VDAC2: variants seen among roughly 807,000 people sequenced by gnomAD.
VDAC2 encodes the protein non-selective voltage-gated ion channel VDAC2.
A neutral mutation model predicts 36.6 loss-of-function variants in VDAC2; 6 were observed. The ratio of observed to expected loss-of-function variants is 0.16; its 90% CI spans 0.09 to 0.32. The LOEUF (loss-of-function observed/expected upper bound fraction) is 0.32. VDAC2 is among the 10% of genes least tolerant of loss of function. VDAC2 has a pLI of 1.00. For missense variants in VDAC2, 247 were observed against 346.0 expected, an observed-to-expected ratio of 0.71 and a Z score of 2.27; for synonymous variants, 109 against 123.8, an observed-to-expected ratio of 0.88 and a Z score of 0.79.
chr10:75,218,912 G>C lies in VDAC2; in HGVS notation c.151-151G>C, dbSNP rs1841701827. 1.5e-5 allele frequency: 11 copies of C among 754,734 alleles called. No homozygotes were observed. In the South Asian group the frequency reaches 2.4e-4, roughly 16 times the overall value. 46.8% of individuals were successfully genotyped at this position (754,734 alleles called of 1,614,324 possible). A position where few individuals can be genotyped will look rare whatever the true frequency, so the allele number is the denominator to read the frequency against. On this transcript the variant is annotated intron_variant, in intron 4 of 9. Coordinates refer to ENST00000332211, the MANE Select transcript of VDAC2 (RefSeq NM_001391963.1). Reference sequence around the variant, plus strand: ...TTATATATGCTTAGAGAGTAGCACAGTGCAGAAGGATACGAGTGTTTAGGA... The same window carrying C: ...TTATATATGCTTAGAGAGTAGCACACTGCAGAAGGATACGAGTGTTTAGGA...
intron 9 of VDAC2, 132 bp downstream of exon 9, chr10:75,229,833 C>T: frequency 3.5e-6 from 2 of 576,578 alleles, no homozygotes; most frequent in South Asian, 3.9e-5. Context: ...ACGTGTTTAC[C>T]TTTTACCACA....
At chr10:75,215,617 G>A (rs2132257532) in intron 4 of VDAC2, among the ~76,000 whole-genome samples, 1 of 152,138 alleles carries the variant, frequency 6.6e-6, no homozygotes, top group South Asian at 2.1e-4. Context: ...CTCCCAAAGT[G>A]CTGGGATTAC....
chr10:75,221,800 A>C lies in VDAC2; in HGVS notation c.585-452A>C, dbSNP rs189928798. Among the ~76,000 whole-genome samples the C allele has an allele frequency of 2.4e-3, 364 of 152,330 alleles. 2 individuals carry two copies. The highest frequency in any genetic ancestry group is 8.3e-3 in the African/African-American group (346 of 41,576). On this transcript the variant is annotated intron_variant, in intron 7 of 9. Coordinates refer to ENST00000332211, the MANE Select transcript of VDAC2 (RefSeq NM_001391963.1). The stretch of plus-strand genomic sequence containing the variant: ...GGTGTTTTTACCTAGCCCAAACTAG[A>C]TAGATACATAGAAAGTACTTAAAAT...
chr10:75,222,516 T>C, intron 8 of VDAC2, 114 bp downstream of exon 8: 1 of 1,384,172 alleles, frequency 7.2e-7, no homozygotes, highest in Non-Finnish European at 9.9e-7. Flanking sequence ...AGTTTACAGA[T>C]AGATTAGTTT....
chr10:75,210,431 G>A (rs187206163), upstream of VDAC2, among the ~76,000 whole-genome samples: 162 of 152,312 alleles, frequency 1.1e-3, no homozygotes, highest in Admixed American at 7.8e-3. Flanking sequence ...GAGTAGGAGA[G>A]ATCTACGTGA....
At position 75,222,418 on chromosome 10, in the gene VDAC2, G is replaced by T; in HGVS notation, c.735+16G>T. 1 of 1,613,466 alleles carries T rather than the reference G, an allele frequency of 6.2e-7. No homozygotes were observed. Among genetic ancestry groups the T allele is most frequent in the Non-Finnish European group, 8.5e-7 (1 of 1,179,670 alleles). ...TTCCATTTCTGTGAGTACTTTTGTG[G>T]ACTTAGAATGGGGGTTTTGGTTGTG... is the stretch of plus-strand genomic sequence containing the variant. On this transcript the variant is annotated intron_variant, in intron 8 of 9. Coordinates refer to ENST00000332211, the MANE Select transcript of VDAC2 (RefSeq NM_001391963.1).
At position 75,231,006 on chromosome 10, in the gene VDAC2, C is replaced by T. The variant is rs1842085072; in HGVS notation, c.*17C>T. The T allele has an allele frequency of 6.3e-7, 1 of 1,588,644 alleles. No individual in the cohort carries two copies. The highest frequency in any genetic ancestry group is 8.6e-7 in the Non-Finnish European group (1 of 1,161,408). On this transcript the variant is annotated 3_prime_UTR_variant, in exon 10 of 10. Transcript: ENST00000332211. ...GAGGCTTAATCCAGCTGAAAGAAAC[C>T]TTTGGGAATGGATATCAGAAGATTT...
intron 8 of VDAC2, among the ~76,000 whole-genome samples, chr10:75,223,243 G>A (rs1191596032): frequency 1.3e-5 from 2 of 152,128 alleles, no homozygotes; most frequent in African/African-American, 4.8e-5. Context: ...CTCCCAAAGT[G>A]CTGGGATTAC....
rs1424784357 is a variant in VDAC2, at chr10:75,219,083, A to G, written c.171A>G (p.Ser57=). The change falls in exon 5 of 10, where the codon TCA becomes TCG. Residue 57 remains serine, a synonymous_variant. Transcript: ENST00000332211. ...GTTAGGAATTTTCAACGTCCGGTTCATCTAATACAGACACTGGTAAAGTTA... is the reference window on the plus strand; with the variant it reads ...GTTAGGAATTTTCAACGTCCGGTTCGTCTAATACAGACACTGGTAAAGTTA... ...CSGVEFSTSG[S]SNTDTGKVTG... is the part of the protein sequence containing the mutation. 6.2e-7 allele frequency: 1 copy of G among 1,609,324 alleles called. No individual in the cohort carries two copies. Among genetic ancestry groups the G allele is most frequent in the Non-Finnish European group, 8.5e-7 (1 of 1,178,978 alleles).
In VDAC2 at chr10:75,211,298, T is replaced by C. The variant is rs1841411505; in HGVS notation, c.31+109T>C. 2.7e-6 allele frequency: 4 copies of C among 1,493,346 alleles called. No individual in the cohort carries two copies. The Admixed American group carries it at 6.4e-5, about 24-fold the overall frequency. The allele number at this position is 1,493,346 out of a possible 1,614,324, so 92.5% of individuals were successfully genotyped here. ...CTTTCCAAGAACTTGGAAATTCGGC[T>C]GCTTTTGGTGGTCGCCCCACCGTCT... On this transcript the variant is annotated intron_variant, in intron 2 of 9. Transcript: ENST00000332211.
chr10:75,230,106 TATA>T lies in VDAC2; in HGVS notation c.793+409_793+411del, dbSNP rs527643648. 4.7e-3 allele frequency among the ~76,000 whole-genome samples: 722 copies of T among 152,336 alleles called. 2 individuals are homozygous for T. Among genetic ancestry groups the T allele is most frequent in the Non-Finnish European group, 7.8e-3 (531 of 68,032 alleles). ...TCTGCCTATAGTCTTGTTGACTTTA[TATA>T]ATATTTTGAAGCGTGCTGTGTCTAG... On this transcript the variant is annotated intron_variant, in intron 9 of 9. Coordinates refer to ENST00000332211, the MANE Select transcript of VDAC2 (RefSeq NM_001391963.1).
At chr10:75,226,665 G>T (rs1302100710) in intron 8 of VDAC2, among the ~76,000 whole-genome samples, 2 of 152,146 alleles carry the variant, frequency 1.3e-5, no homozygotes, top group South Asian at 2.1e-4. Flanking sequence ...GTTTCACCGT[G>T]TTGGCCAGGT....
At chr10:75,211,993 G>C (rs1042447786) in intron 2 of VDAC2, among the ~76,000 whole-genome samples, 2 of 152,190 alleles carry the variant, frequency 1.3e-5, no homozygotes, top group Admixed American at 1.3e-4. Flanking sequence ...CTGTTTTTCC[G>C]TTTTGAAACG....
chr10:75,211,214 G>A (rs369149834), intron 2 of VDAC2, 25 bp downstream of exon 2: 163 of 1,611,208 alleles, frequency 1.0e-4, no homozygotes, highest in Admixed American at 1.7e-4. Context: ...GATCTCTGCG[G>A]GATGGGGCGG....
At chr10:75,220,575 T>C (rs1354289500) in intron 6 of VDAC2, among the ~76,000 whole-genome samples, 168 bp from the exon 7 acceptor site, 1 of 152,264 alleles carries the variant, frequency 6.6e-6, no homozygotes, top group Non-Finnish European at 1.5e-5. Context: ...AGTTGCTTCA[T>C]GTGTCCTTGT....
Position 75,219,010 on chromosome 10 carries a change from G to A in VDAC2, c.151-53G>A, listed in dbSNP as rs115640139. 2.0e-3 allele frequency: 3,145 copies of A among 1,564,524 alleles called. 57 individuals are homozygous for A. The African/African-American group carries it at 0.037, about 19-fold the overall frequency. On this transcript the variant is annotated intron_variant, in intron 4 of 9. Transcript: ENST00000332211. ...TGTGTGTGTGCGTGTGTAAGGCAGT[G>A]ATGAATTCTAGGCTTATGAGAATGT...
At position 75,219,200 on chromosome 10, in the gene VDAC2, C is replaced by T. The variant is rs760815307; in HGVS notation, c.288C>T (p.Ile96=). 13 of 1,600,026 alleles carry T rather than the reference C, an allele frequency of 8.1e-6. No individual in the cohort carries two copies. Among genetic ancestry groups the T allele is most frequent in the Admixed American group, 3.4e-5 (2 of 59,104 alleles). The stretch of plus-strand genomic sequence containing the variant: ...CTGATAACACTCTGGGAACAGAAAT[C>T]GCAATTGAAGACCAGGTAACATTTT... ...WNTDNTLGTE[I]AIEDQICQGL... The change falls in exon 5 of 10, where the codon ATC becomes ATT. Residue 96 remains isoleucine (I), a synonymous_variant. Transcript: ENST00000332211.
intron 4 of VDAC2, chr10:75,217,909 G>T: frequency 7.8e-7 from 1 of 1,287,408 alleles, no homozygotes; most frequent in Non-Finnish European, 1.0e-6. Context: ...TCTGGCTGTA[G>T]TCTCTTTATT....
intron 2 of VDAC2, 95 bp downstream of exon 2, chr10:75,211,284 C>A: frequency 6.6e-7 from 1 of 1,526,330 alleles, no homozygotes; most frequent in South Asian, 1.2e-5. Context: ...TTTCCAAGAA[C>A]TTGGAAATTC....
Sources: allele counts gnomAD v4.1 joint callset (sites outside exome capture counted in the v4.1 genomes callset), GRCh38; gene constraint gnomAD v4.1.1; transcripts MANE v1.5; gene names NCBI Gene and HGNC (gene_info 2026-07-23, HGNC 2026-07-21).